CNTLN: variants seen among roughly 807,000 people sequenced by gnomAD.
CNTLN encodes the protein centlein.
CNTLN carries 212 observed loss-of-function variants against 180.0 expected under a neutral mutation model. The ratio of observed to expected loss-of-function variants is 1.18; its 90% CI spans 1.05 to 1.32. CNTLN has a LOEUF of 1.32. Ranked by LOEUF, CNTLN falls within the 40% of genes most tolerant of loss-of-function variation. The pLI, the probability that CNTLN is intolerant of heterozygous loss-of-function variation, is 0.00. For synonymous variants in CNTLN, 722 were observed against 563.1 expected (o/e 1.28, Z -3.99); for missense variants, 2,095 against 1,610.9 (o/e 1.30, Z -5.14).
intron 5 of CNTLN, among the ~76,000 whole-genome samples, chr9:17,266,191 T>G (rs1011550042): frequency 6.6e-6 from 1 of 152,070 alleles, no homozygotes. Flanking sequence ...ATAAATTTCC[T>G]TCTACACACT....
At chr9:17,509,835 A>AAG in the CNTLN span, among the ~76,000 whole-genome samples, 1 of 152,074 alleles carries the variant, frequency 6.6e-6, no homozygotes, top group African/African-American at 2.4e-5. Context: ...CTTAGTTCCA[A>AAG]AGAGAGAGAT....
chr9:17,306,742 A>G (rs1392922487), intron 7 of CNTLN, among the ~76,000 whole-genome samples: 2 of 152,216 alleles, frequency 1.3e-5, no homozygotes, highest in African/African-American at 2.4e-5. Flanking sequence ...TATTTGAAAT[A>G]TGTGAATTCT....
intron 12 of CNTLN, among the ~76,000 whole-genome samples, chr9:17,364,250 C>A (rs1415114379): frequency 6.6e-6 from 1 of 152,116 alleles, no homozygotes; most frequent in Non-Finnish European, 1.5e-5. Flanking sequence ...TGAATAATTT[C>A]TATTAAATGC....
At chr9:17,345,386 T>C (rs879421789) in intron 12 of CNTLN, among the ~76,000 whole-genome samples, 2 of 135,168 alleles carry the variant, frequency 1.5e-5, no homozygotes, top group African/African-American at 5.4e-5. Context: ...GCTTGCATTA[T>C]TGATAGAGCT....
At chr9:17,306,847 G>A (rs1424322190) in intron 7 of CNTLN, among the ~76,000 whole-genome samples, 1 of 152,238 alleles carries the variant, frequency 6.6e-6, no homozygotes, top group Non-Finnish European at 1.5e-5. Flanking sequence ...AGATTAGAAA[G>A]TGGTTAAATA....
At chr9:17,209,879 C>T (rs561529543) in intron 2 of CNTLN, among the ~76,000 whole-genome samples, 58 of 152,150 alleles carry the variant, frequency 3.8e-4, no homozygotes, top group East Asian at 2.1e-3. Context: ...AGGGAAAATA[C>T]TATGATTTTA....
intron 2 of CNTLN, among the ~76,000 whole-genome samples, chr9:17,204,726 A>T (rs562470151): frequency 1.3e-5 from 2 of 152,310 alleles, no homozygotes; most frequent in East Asian, 3.9e-4. Context: ...TATTGTCAGG[A>T]TCAGCTGCTC....
chr9:17,415,928 C>A, intron 17 of CNTLN, 38 bp from the exon 18 acceptor site: 2 of 1,585,420 alleles, frequency 1.3e-6, no homozygotes, highest in South Asian at 1.1e-5. Context: ...CAATTTAAAT[C>A]TAATTTTTAA....
intron 2 of CNTLN, among the ~76,000 whole-genome samples, chr9:17,144,681 G>A (rs2774624): frequency 0.82 from 124,215 of 151,348 alleles, 52,063 homozygotes; most frequent in East Asian, 1. Context: ...ATAAATGTAC[G>A]TATGTATATT....
chr9:17,422,279 T>G (rs925970670), intron 18 of CNTLN, among the ~76,000 whole-genome samples: 2 of 152,176 alleles, frequency 1.3e-5, no homozygotes, highest in African/African-American at 4.8e-5. Flanking sequence ...TATACGTTAT[T>G]TATTTTCTTT....
At chr9:17,294,777 GTGA>G in intron 6 of CNTLN, among the ~76,000 whole-genome samples, 1 of 44,062 alleles carries the variant, frequency 2.3e-5, no homozygotes, top group African/African-American at 1.0e-4. Context: ...CGCGGGGGGA[GTGA>G]GGGGAGGGAG....
chr9:17,419,125 GTTT>G (rs1423927062), intron 18 of CNTLN, among the ~76,000 whole-genome samples: 6 of 151,796 alleles, frequency 4.0e-5, no homozygotes, highest in Non-Finnish European at 7.4e-5. Flanking sequence ...TTGTTTGTTT[GTTT>G]GTTTTTTTTA....
intron 4 of CNTLN, among the ~76,000 whole-genome samples, chr9:17,236,123 G>GTC (rs1183171180): frequency 6.6e-6 from 1 of 152,074 alleles, no homozygotes; most frequent in East Asian, 1.9e-4. Context: ...GTCTGTATGG[G>GTC]TCTCAAAAAT....
chr9:17,437,499 C>A (rs1002777180), intron 18 of CNTLN, among the ~76,000 whole-genome samples: 1 of 152,120 alleles, frequency 6.6e-6, no homozygotes, highest in Non-Finnish European at 1.5e-5. Flanking sequence ...AACATACTTT[C>A]AGATAGGTGT....
intron 1 of CNTLN, among the ~76,000 whole-genome samples, chr9:17,137,840 A>G (rs1002668409): frequency 6.6e-6 from 1 of 152,226 alleles, no homozygotes; most frequent in African/African-American, 2.4e-5. Flanking sequence ...ATAGAAAGCA[A>G]TCAAATGTTT....
chr9:17,218,079 A>G (rs986137467), intron 2 of CNTLN, among the ~76,000 whole-genome samples: 1 of 152,164 alleles, frequency 6.6e-6, no homozygotes, highest in African/African-American at 2.4e-5. Flanking sequence ...GTCTGATTGA[A>G]TAAGGAAAAA....
intron 1 of CNTLN, among the ~76,000 whole-genome samples, chr9:17,138,421 T>G (rs1470636426): frequency 6.6e-6 from 1 of 152,184 alleles, no homozygotes; most frequent in East Asian, 1.9e-4. Flanking sequence ...CTCATCCACT[T>G]TAATGATGAA....
In CNTLN at chr9:17,135,507, C is replaced by G. The variant is rs962713428; in HGVS notation, c.360+82C>G. ...GGGAGGCGCGCCTTTCTCCCTCTGC[C>G]TTGGGACCTACCCCGCCCAGCGACG... is the stretch of plus-strand genomic sequence containing the variant. On this transcript the variant is annotated intron_variant, in intron 1 of 25. Coordinates refer to ENST00000380647, the MANE Select transcript of CNTLN (RefSeq NM_017738.4). 72 of 1,474,934 alleles carry G rather than the reference C, an allele frequency of 4.9e-5. No homozygotes were observed. The East Asian group carries it at 1.7e-3, about 36-fold the overall frequency. The allele number at this position is 1,474,934 out of a possible 1,614,324, so 91.4% of individuals were successfully genotyped here.
intron 6 of CNTLN, among the ~76,000 whole-genome samples, chr9:17,289,991 A>T (rs1235068631): frequency 6.6e-6 from 1 of 151,942 alleles, no homozygotes; most frequent in African/African-American, 2.4e-5. Context: ...GATCGTCTGA[A>T]GCCTTCTTCT....
Sources: gnomAD v4.1 joint callset for allele counts (sites outside exome capture counted in the v4.1 genomes callset) on GRCh38, gnomAD v4.1.1 for gene constraint, MANE v1.5 for transcripts, NCBI Gene and HGNC (gene_info 2026-07-23, HGNC 2026-07-21) for gene names.